Variants in PTPRK observed in about 807,000 individuals in gnomAD.
The protein encoded by PTPRK is receptor-type tyrosine-protein phosphatase kappa.
In PTPRK, 75 loss-of-function variants were observed where a neutral mutation model predicts 178.0. That is an observed-to-expected ratio of 0.42 (90% CI 0.35 to 0.51). PTPRK has a LOEUF of 0.51. PTPRK is among the 20% of genes least tolerant of loss of function. The pLI is 0.02. For missense variants in PTPRK, 1,441 were observed against 1,797.8 expected (o/e 0.80, Z 3.59); for synonymous variants, 637 against 620.6 (o/e 1.03, Z -0.39).
At chr6:127,995,155 A>C in intron 18 of PTPRK, 1 of 1,263,544 alleles carries the variant, frequency 7.9e-7, no homozygotes, top group Non-Finnish European at 1.1e-6. Context: ...AGCATGCAGA[A>C]ATAACTAGTA....
intron 1 of PTPRK, among the ~76,000 whole-genome samples, chr6:128,469,352 C>T (rs1850310273): frequency 6.6e-6 from 1 of 152,152 alleles, no homozygotes; most frequent in African/African-American, 2.4e-5. Flanking sequence ...CTAAAAATAC[C>T]TCCAAAATAA....
At chr6:128,000,000 A>G in intron 15 of PTPRK, 3 of 939,560 alleles carry the variant, frequency 3.2e-6, no homozygotes, top group Non-Finnish European at 3.8e-6. Context: ...TATGAAGAAT[A>G]AACAGTACTT....
rs768874525 is a variant in PTPRK, at chr6:127,985,831, C to T, written c.3141G>A (p.Thr1047=). Residue 1047 remains threonine (T), a synonymous_variant, in exon 22 of 30, where the codon ACG becomes ACA. Transcript: ENST00000368226. ...EIREVKQFHF[T]GWPDHGVPYH... Reference sequence around the variant, plus strand: ...AGGGCACTCCATGGTCAGGCCAGCCCGTGAAATGGAACTGTTTAACTTCAC... The same window carrying T: ...AGGGCACTCCATGGTCAGGCCAGCCTGTGAAATGGAACTGTTTAACTTCAC... The T allele has an allele frequency of 7.4e-6, 12 of 1,613,586 alleles. No individual in the cohort carries two copies. The highest frequency in any genetic ancestry group is 2.2e-5 in the East Asian group (1 of 44,846).
At chr6:128,245,245 T>TTA (rs1815243429) in intron 3 of PTPRK, among the ~76,000 whole-genome samples, 1 of 150,882 alleles carries the variant, frequency 6.6e-6, no homozygotes, top group Non-Finnish European at 1.5e-5. Context: ...TTTGAAAACT[T>TTA]TACTACATTG....
At chr6:128,142,107 A>C (rs1554313148) in intron 7 of PTPRK, among the ~76,000 whole-genome samples, 1 of 151,932 alleles carries the variant, frequency 6.6e-6, no homozygotes, top group Non-Finnish European at 1.5e-5. Context: ...GCATATGTCA[A>C]GTATATGCAT....
chr6:128,227,861 TATC>T (rs1407358399), intron 5 of PTPRK, among the ~76,000 whole-genome samples: 2 of 151,682 alleles, frequency 1.3e-5, no homozygotes, highest in East Asian at 1.9e-4. Flanking sequence ...ATTAAAGAAA[TATC>T]ATTATTAATT....
At chr6:128,034,042 T>A (rs2114808410) in intron 13 of PTPRK, among the ~76,000 whole-genome samples, 1 of 152,314 alleles carries the variant, frequency 6.6e-6, no homozygotes, top group African/African-American at 2.4e-5. Flanking sequence ...TCGGTACACT[T>A]AGGACCATCT....
chr6:128,147,243 T>C (rs73588647), intron 7 of PTPRK, among the ~76,000 whole-genome samples: 13,356 of 152,168 alleles, frequency 0.088, 962 homozygotes, highest in African/African-American at 0.19. Context: ...TTTAGAAATG[T>C]TTAAATATTC....
intron 1 of PTPRK, among the ~76,000 whole-genome samples, chr6:128,428,778 C>T (rs1258664479): frequency 6.6e-6 from 1 of 152,192 alleles, no homozygotes; most frequent in East Asian, 1.9e-4. Flanking sequence ...GTGCAAAGGT[C>T]ATATACATTC....
chr6:128,330,001 C>T (rs944335043), intron 2 of PTPRK, among the ~76,000 whole-genome samples: 1 of 152,092 alleles, frequency 6.6e-6, no homozygotes, highest in African/African-American at 2.4e-5. Context: ...TTCTGGAGAC[C>T]ATCTTGAATA....
chr6:128,490,736 T>C (rs1473579757), intron 1 of PTPRK, among the ~76,000 whole-genome samples: 1 of 152,206 alleles, frequency 6.6e-6, no homozygotes, highest in East Asian at 1.9e-4. Context: ...TACCACAGAC[T>C]TGAAGGCTTA....
intron 26 of PTPRK, 21 bp from the exon 27 acceptor site, chr6:127,976,803 A>G: frequency 1.9e-6 from 3 of 1,604,042 alleles, no homozygotes; most frequent in South Asian, 1.1e-5. Context: ...AACGTTTTGA[A>G]AGAAAAAAAA....
chr6:128,201,861 C>T (rs1806022212), intron 6 of PTPRK, among the ~76,000 whole-genome samples: 1 of 152,022 alleles, frequency 6.6e-6, no homozygotes, highest in African/African-American at 2.4e-5. Context: ...ATAATGACCC[C>T]AGTAACACAG....
At chr6:128,497,636 T>C (rs528251740) in intron 1 of PTPRK, among the ~76,000 whole-genome samples, 2 of 152,180 alleles carry the variant, frequency 1.3e-5, no homozygotes, top group Admixed American at 6.5e-5. Flanking sequence ...ATTTCCCCTC[T>C]TTTAAAATTT....
chr6:128,205,096 G>A (rs993853266), intron 6 of PTPRK, among the ~76,000 whole-genome samples: 2 of 152,156 alleles, frequency 1.3e-5, no homozygotes, highest in Non-Finnish European at 2.9e-5. Flanking sequence ...AAAGGAATTG[G>A]ACCATGTCCT....
chr6:128,383,680 C>T (rs1584462590), intron 2 of PTPRK, among the ~76,000 whole-genome samples: 1 of 152,076 alleles, frequency 6.6e-6, no homozygotes, highest in Admixed American at 6.6e-5. Flanking sequence ...GGTCTATGTG[C>T]CAAACACAGT....
chr6:128,042,392 A>G (rs1311752186), intron 13 of PTPRK, among the ~76,000 whole-genome samples: 2 of 152,034 alleles, frequency 1.3e-5, no homozygotes, highest in Admixed American at 6.6e-5. Context: ...ACTAAAATCA[A>G]GGTGTTGGCA....
intron 11 of PTPRK, among the ~76,000 whole-genome samples, chr6:128,068,914 G>T (rs1458064426): frequency 1.3e-5 from 2 of 151,224 alleles, no homozygotes; most frequent in African/African-American, 4.9e-5. Flanking sequence ...CCATGAAAAA[G>T]AAAGAGGTGG....
At chr6:128,202,212 G>A (rs963308317) in intron 6 of PTPRK, among the ~76,000 whole-genome samples, 9 of 152,166 alleles carry the variant, frequency 5.9e-5, no homozygotes, top group Admixed American at 2.6e-4. Context: ...AGGGTGGGGC[G>A]ATGGCCCACT....
Sources: gnomAD v4.1 joint callset for allele counts (sites outside exome capture counted in the v4.1 genomes callset) on GRCh38, gnomAD v4.1.1 for gene constraint, MANE v1.5 for transcripts, NCBI Gene and HGNC (gene_info 2026-07-23, HGNC 2026-07-21) for gene names.